Variants in CNTN4 observed in about 807,000 individuals in gnomAD.
CNTN4 encodes the protein contactin 4.
Under a neutral mutation model 122.5 loss-of-function variants are expected in CNTN4, and 77 were observed. The observed-to-expected ratio is 0.63, with a 90% CI of 0.52 to 0.76. The LOEUF is 0.76. CNTN4 is among the 30% of genes least tolerant of loss of function. The pLI, the probability that CNTN4 is intolerant of heterozygous loss-of-function variation, is 0.00. For synonymous variants in CNTN4, 512 were observed against 447.0 expected (o/e 1.15, Z -1.83); for missense variants, 1,256 against 1,259.1 (o/e 1.00, Z 0.04).
intron 3 of CNTN4, among the ~76,000 whole-genome samples, chr3:2,509,284 A>G (rs1250225068): frequency 6.6e-6 from 1 of 152,202 alleles, no homozygotes; most frequent in Non-Finnish European, 1.5e-5. Flanking sequence ...AGTCTCAATA[A>G]TAATGAGCCT....
chr3:2,424,820 T>G (rs970186210), intron 3 of CNTN4, among the ~76,000 whole-genome samples: 7 of 152,242 alleles, frequency 4.6e-5, no homozygotes, highest in African/African-American at 1.4e-4. Flanking sequence ...TGGCCAGTGA[T>G]GGTGAGCATT....
intron 12 of CNTN4, among the ~76,000 whole-genome samples, chr3:2,913,441 C>A (rs550593583): frequency 2.0e-5 from 3 of 152,042 alleles, no homozygotes; most frequent in Admixed American, 6.6e-5. Context: ...TAGGGTTACA[C>A]GCAAGCTGAA....
intron 7 of CNTN4, among the ~76,000 whole-genome samples, chr3:2,830,319 T>TTAGA (rs1162040717): frequency 1.3e-5 from 2 of 152,204 alleles, no homozygotes; most frequent in Non-Finnish European, 2.9e-5. Context: ...AAAGATTATC[T>TTAGA]CCAGGTTTGA....
At chr3:2,917,075 G>A (rs1032288914) in intron 12 of CNTN4, among the ~76,000 whole-genome samples, 9 of 127,856 alleles carry the variant, frequency 7.0e-5, no homozygotes, top group Non-Finnish European at 1.2e-4. Context: ...CGAGGCTGGC[G>A]GATCACTCGC....
intron 3 of CNTN4, among the ~76,000 whole-genome samples, chr3:2,369,956 T>C (rs1200319214): frequency 1.3e-5 from 2 of 152,140 alleles, no homozygotes; most frequent in Non-Finnish European, 2.9e-5. Context: ...CAATTGTCCA[T>C]ATTGATACTC....
chr3:2,338,566 T>C (rs1356717998), intron 2 of CNTN4, among the ~76,000 whole-genome samples: 5 of 152,076 alleles, frequency 3.3e-5, no homozygotes, highest in South Asian at 4.1e-4. Context: ...AAAACATAAA[T>C]ATATACCTTT....
intron 2 of CNTN4, among the ~76,000 whole-genome samples, chr3:2,218,441 G>A (rs942838454): frequency 6.6e-6 from 1 of 152,142 alleles, no homozygotes; most frequent in Non-Finnish European, 1.5e-5. Context: ...GATCCCTCGA[G>A]CCTGGGAGTT....
chr3:2,522,178 T>TGC (rs2077244851), intron 3 of CNTN4, among the ~76,000 whole-genome samples: 1 of 151,786 alleles, frequency 6.6e-6, no homozygotes, highest in African/African-American at 2.4e-5. Context: ...TGTGTGTGTG[T>TGC]GTGTGTGTGT....
At position 2,287,679 on chromosome 3, in the gene CNTN4, GAA is replaced by G. The variant is rs1559415579; in HGVS notation, c.-144-51498_-144-51497del. 3.2e-4 allele frequency among the ~76,000 whole-genome samples: 31 copies of G among 98,212 alleles called. 1 individual carries two copies. The highest frequency in any genetic ancestry group is 7.7e-4 in the South Asian group (2 of 2,586). 64.4% of individuals were successfully genotyped at this position (98,212 alleles called of 152,430 possible). ...AGAAGAAGAAGAAGAAGAAGAAGAA[GAA>G]GAAGAAGAAGAGGAAGAAGAAGAAG... On this transcript the variant is annotated intron_variant, in intron 2 of 24. Coordinates refer to ENST00000418658, the MANE Select transcript of CNTN4 (RefSeq NM_175607.3).
chr3:2,207,493 A>G (rs937366366), intron 2 of CNTN4, among the ~76,000 whole-genome samples: 7 of 152,118 alleles, frequency 4.6e-5, no homozygotes, highest in African/African-American at 1.7e-4. Context: ...TGAGATGGAG[A>G]AAGTTTCAGT....
At chr3:2,128,175 C>T (rs553161083) in intron 2 of CNTN4, among the ~76,000 whole-genome samples, 16 of 152,062 alleles carry the variant, frequency 1.1e-4, no homozygotes, top group African/African-American at 1.9e-4. Context: ...TATTTTTAAC[C>T]GTCTGCCAGT....
chr3:2,584,697 C>CAAAAAAAAAAAAAAAAAAAAAAAAAAA (rs67755648), intron 4 of CNTN4, among the ~76,000 whole-genome samples: 1 of 73,162 alleles, frequency 1.4e-5, no homozygotes, highest in Non-Finnish European at 2.5e-5. Flanking sequence ...AACTCCGTCT[C>CAAAAAAAAAAAAAAAAAAAAAAAAAAA]AAAAAAAAAA....
intron 3 of CNTN4, among the ~76,000 whole-genome samples, chr3:2,448,774 G>A (rs986060935): frequency 6.6e-6 from 1 of 152,194 alleles, no homozygotes. Context: ...TGGTTGTCCA[G>A]CAGCCCAGGT....
intron 3 of CNTN4, among the ~76,000 whole-genome samples, chr3:2,372,587 T>C (rs2045672519): frequency 6.6e-6 from 1 of 152,216 alleles, no homozygotes; most frequent in Non-Finnish European, 1.5e-5. Context: ...AAGCAATGTT[T>C]CCAAGTAAAT....
intron 4 of CNTN4, among the ~76,000 whole-genome samples, chr3:2,716,589 T>C (rs754347870): frequency 6.6e-6 from 1 of 152,204 alleles, no homozygotes; most frequent in Non-Finnish European, 1.5e-5. Flanking sequence ...CTATAATTAT[T>C]ATTTTTATTG....
intron 7 of CNTN4, among the ~76,000 whole-genome samples, chr3:2,828,135 G>A (rs1471645725): frequency 6.6e-6 from 1 of 152,104 alleles, no homozygotes; most frequent in Non-Finnish European, 1.5e-5. Flanking sequence ...GTGTATGTGT[G>A]TGTGTGTGCG....
intron 2 of CNTN4, among the ~76,000 whole-genome samples, chr3:2,166,627 G>T (rs1288468544): frequency 1.3e-5 from 2 of 152,100 alleles, no homozygotes; most frequent in East Asian, 3.9e-4. Context: ...AATCATTTTT[G>T]TCTGAAAGTA....
chr3:2,695,785 T>A (rs2085996031), intron 4 of CNTN4, among the ~76,000 whole-genome samples: 1 of 152,150 alleles, frequency 6.6e-6, no homozygotes. Flanking sequence ...TAGTCCAATC[T>A]GGGTTTTAGG....
chr3:2,326,493 C>CAT (rs1360456567), intron 2 of CNTN4, among the ~76,000 whole-genome samples: 5 of 39,380 alleles, frequency 1.3e-4, no homozygotes, highest in Non-Finnish European at 3.8e-4. Flanking sequence ...TTTACACACA[C>CAT]ACACACACAC....
Sources: gnomAD v4.1 joint callset for allele counts (sites outside exome capture counted in the v4.1 genomes callset) on GRCh38, gnomAD v4.1.1 for gene constraint, MANE v1.5 for transcripts, NCBI Gene and HGNC (gene_info 2026-07-23, HGNC 2026-07-21) for gene names.